NR2C2: variants seen among roughly 807,000 people sequenced by gnomAD.
NR2C2 encodes Nuclear hormone receptor TR4.
NR2C2 carries 6 observed loss-of-function variants against 62.9 expected under a neutral mutation model. That is an observed-to-expected ratio of 0.10 (90% CI 0.05 to 0.19). The LOEUF is 0.19. Ranked by LOEUF, NR2C2 falls within the 10% of genes least tolerant of loss-of-function variation. NR2C2 has a pLI of 1.00. For missense variants in NR2C2, 479 were observed against 762.7 expected, an observed-to-expected ratio of 0.63 and a Z score of 4.38; for synonymous variants, 272 against 273.8, an observed-to-expected ratio of 0.99 and a Z score of 0.07.
chr3:14,986,415 A>T (rs1047260423), intron 1 of NR2C2, among the ~76,000 whole-genome samples: 5 of 152,192 alleles, frequency 3.3e-5, no homozygotes, highest in African/African-American at 1.2e-4. Context: ...AAATGGAATT[A>T]ATGTTAGAAT....
At chr3:14,968,992 G>C (rs1174303572) in intron 1 of NR2C2, among the ~76,000 whole-genome samples, 1 of 126,996 alleles carries the variant, frequency 7.9e-6, no homozygotes, top group Non-Finnish European at 1.7e-5. Flanking sequence ...GTTGTGGGGT[G>C]GGGGGAGGGG....
intron 1 of NR2C2, among the ~76,000 whole-genome samples, chr3:14,961,431 C>A (rs536713759): frequency 1.3e-5 from 2 of 152,276 alleles, no homozygotes; most frequent in East Asian, 3.9e-4. Context: ...ATATTGCACA[C>A]TCAATAATAC....
At chr3:14,952,894 C>G (rs1379225519) in intron 1 of NR2C2, among the ~76,000 whole-genome samples, 1 of 152,188 alleles carries the variant, frequency 6.6e-6, no homozygotes, top group Non-Finnish European at 1.5e-5. Context: ...AAAGGAAGAA[C>G]TGCCCAAGAA....
intron 1 of NR2C2, among the ~76,000 whole-genome samples, chr3:14,963,927 C>T (rs2039762934): frequency 6.6e-6 from 1 of 152,062 alleles, no homozygotes; most frequent in South Asian, 2.1e-4. Context: ...ACCCCCCTCC[C>T]CACCCAGCAA....
At chr3:15,032,702 T>C (rs777049945) in intron 10 of NR2C2, among the ~76,000 whole-genome samples, 6 of 152,136 alleles carry the variant, frequency 3.9e-5, no homozygotes, top group Non-Finnish European at 7.4e-5. Context: ...CTCTAAACTT[T>C]ATGGAGCCTC....
intron 11 of NR2C2, among the ~76,000 whole-genome samples, chr3:15,037,528 G>T (rs2125083739): frequency 6.6e-6 from 1 of 152,296 alleles, no homozygotes; most frequent in South Asian, 2.1e-4. Context: ...AGGATCACTT[G>T]AGCTTATGAA....
chr3:15,010,354 A>T (rs1362749847), intron 2 of NR2C2, among the ~76,000 whole-genome samples: 7 of 113,594 alleles, frequency 6.2e-5, no homozygotes, highest in African/African-American at 1.6e-4. Context: ...GGGTGAAGAT[A>T]AAAAAAAAAA....
chr3:15,028,824 G>A, intron 8 of NR2C2, 105 bp downstream of exon 8: 1 of 1,268,000 alleles, frequency 7.9e-7, no homozygotes, highest in East Asian at 2.4e-5. Flanking sequence ...TTTAACTAAG[G>A]ATGATAAAAT....
intron 7 of NR2C2, chr3:15,026,694 A>G (rs2041830395): frequency 6.7e-6 from 1 of 149,578 alleles, no homozygotes; most frequent in African/African-American, 2.5e-5. Flanking sequence ...ATTGCCAAAT[A>G]ATGCACCTCT....
intron 1 of NR2C2, among the ~76,000 whole-genome samples, chr3:14,995,337 A>AC (rs1179884107): frequency 1.3e-5 from 2 of 149,778 alleles, no homozygotes; most frequent in Admixed American, 1.3e-4. Context: ...AAAAAAAAAA[A>AC]CCCCACACTC....
chr3:15,039,451 G>A (rs2042193765), intron 13 of NR2C2, among the ~76,000 whole-genome samples: 1 of 152,158 alleles, frequency 6.6e-6, no homozygotes, highest in Non-Finnish European at 1.5e-5. Context: ...GACAGTGCCA[G>A]CAGGAGGGCC....
rs1483250341 is a variant in NR2C2 at position 15,048,812 on chromosome 3, T to C, written c.*5804T>C. ...CAGTACAAGCCGTAGTTTTTACCTG[T>C]AGTTTGGACTTCTCTGTTAGAATGT... On this transcript the variant is annotated 3_prime_UTR_variant, in exon 14 of 14. Coordinates refer to ENST00000425241, the MANE Select transcript of NR2C2 (RefSeq NM_001291694.2). 1 of 152,670 alleles carries C rather than the reference T, an allele frequency of 6.6e-6. No individual in the cohort carries two copies. Among genetic ancestry groups the C allele is most frequent in the Admixed American group, 6.5e-5 (1 of 15,286 alleles). The allele number at this position is 152,670 out of a possible 1,614,324, so 9.5% of individuals were successfully genotyped here.
At chr3:14,998,185 GTTGTTTCTAC>G (rs2040886626) in intron 1 of NR2C2, among the ~76,000 whole-genome samples, 2 of 152,146 alleles carry the variant, frequency 1.3e-5, no homozygotes, top group Non-Finnish European at 2.9e-5. Flanking sequence ...AGATATTTGA[GTTGTTTCTAC>G]TTTTTGCCTG....
intron 1 of NR2C2, among the ~76,000 whole-genome samples, chr3:14,994,612 T>G (rs1303791717): frequency 6.6e-6 from 1 of 151,578 alleles, no homozygotes; most frequent in African/African-American, 2.4e-5. Flanking sequence ...CCAGATAATT[T>G]CTGTATTTTC....
chr3:15,021,244 G>A (rs2041660410), intron 5 of NR2C2, among the ~76,000 whole-genome samples: 2 of 152,106 alleles, frequency 1.3e-5, no homozygotes, highest in Admixed American at 1.3e-4. Flanking sequence ...CACTAAGAGA[G>A]AGCTATGATG....
intron 1 of NR2C2, among the ~76,000 whole-genome samples, chr3:14,958,363 C>G (rs531670632): frequency 6.6e-6 from 1 of 151,524 alleles, no homozygotes; most frequent in South Asian, 2.1e-4. Flanking sequence ...ACTTAAGGTA[C>G]TCAGTATTAT....
chr3:14,959,653 A>ATCCCAGCACTTTGGGAGGCCGAG (rs2039635479), intron 1 of NR2C2: 1 of 152,172 alleles, frequency 6.6e-6, no homozygotes, highest in African/African-American at 2.4e-5. Flanking sequence ...TAAGAATTCA[A>ATCCCAGCACTTTGGGAGGCCGAG]GTGTATAAAG....
rs1177831538 is a variant in NR2C2 at position 15,032,482 on chromosome 3, C to T, written c.1214C>T (p.Pro405Leu). The T allele has an allele frequency of 6.2e-7, 1 of 1,614,230 alleles. No homozygotes were observed. The change falls in exon 10 of 14, where the codon CCA (proline) becomes CTA (leucine). Residue 405 changes from proline to leucine, a missense_variant. Physicochemically the swap from Pro to Leu is moderately conservative, Grantham distance 98 (BLOSUM62 -3). Coordinates refer to ENST00000425241, the MANE Select transcript of NR2C2 (RefSeq NM_001291694.2). ...TCAATGCACTGGGCTCGGTCAATCC[C>T]AGCCTTTCAGGCACTTGGGTAAGTG... The part of the protein sequence containing the change: ...FLSMHWARSI[P>L]AFQALGQDCN...
At chr3:14,971,346 G>T (rs2040033138) in intron 1 of NR2C2, among the ~76,000 whole-genome samples, 1 of 151,628 alleles carries the variant, frequency 6.6e-6, no homozygotes, top group South Asian at 2.1e-4. Context: ...TCAAACTCCT[G>T]ACCCCAGGTG....
Sources: allele counts gnomAD v4.1 joint callset (sites outside exome capture counted in the v4.1 genomes callset), GRCh38; gene constraint gnomAD v4.1.1; transcripts MANE v1.5; gene names NCBI Gene and HGNC (gene_info 2026-07-23, HGNC 2026-07-21).